The following NEK11 variants were observed in gnomAD, a reference collection of about 807,000 sequenced individuals.
NEK11 encodes the protein serine/threonine-protein kinase Nek11.
A neutral mutation model predicts 80.7 loss-of-function variants in NEK11; 72 were observed. That is an observed-to-expected ratio of 0.89 (90% CI 0.74 to 1.08). The LOEUF (loss-of-function observed/expected upper bound fraction) is 1.08. Ranked by LOEUF, NEK11 falls within the 50% of genes least tolerant of loss-of-function variation. The pLI, the probability that NEK11 is intolerant of heterozygous loss-of-function variation, is 0.00. For synonymous variants in NEK11, 251 were observed against 260.7 expected, an observed-to-expected ratio of 0.96 and a Z score of 0.36; for missense variants, 764 against 763.6, an observed-to-expected ratio of 1.00 and a Z score of -0.01.
intron 2 of NEK11, 142 bp from the exon 3 acceptor site, chr3:131,029,471 C>T: frequency 2.9e-6 from 1 of 345,116 alleles, no homozygotes; most frequent in Non-Finnish European, 5.2e-6. Flanking sequence ...GGTATCTCTA[C>T]CTTTTAACAT....
Position 131,164,458 on chromosome 3 carries a change from A to C in NEK11, c.1083-968A>C, listed in dbSNP as rs899648648. On this transcript the variant is annotated intron_variant, in intron 11 of 17. Transcript: ENST00000383366. Reference sequence around the variant, plus strand: ...GCCATTGCATCAGCTCACAGCCCCAAATCTGTTCGTAATACCTCAGAAATG... The same window carrying C: ...GCCATTGCATCAGCTCACAGCCCCACATCTGTTCGTAATACCTCAGAAATG... Among the ~76,000 whole-genome samples the C allele has an allele frequency of 2.0e-4, 30 of 152,174 alleles. 1 individual carries two copies.
At chr3:131,334,565 A>T (rs1178695890) in intron 17 of NEK11, among the ~76,000 whole-genome samples, 6 of 150,998 alleles carry the variant, frequency 4.0e-5, no homozygotes, top group African/African-American at 1.5e-4. Flanking sequence ...GAACTAGAAA[A>T]GCAAGAGCAA....
At chr3:131,245,646 G>C (rs779101960) in intron 16 of NEK11, among the ~76,000 whole-genome samples, 4 of 152,088 alleles carry the variant, frequency 2.6e-5, no homozygotes, top group Non-Finnish European at 5.9e-5. Context: ...TCTGACTGGT[G>C]TAAGATACCT....
intron 4 of NEK11, among the ~76,000 whole-genome samples, chr3:131,082,322 CTG>C (rs2149047558): frequency 6.6e-6 from 1 of 152,332 alleles, no homozygotes; most frequent in East Asian, 1.9e-4. Flanking sequence ...AGTTAATAAA[CTG>C]TGTTATTTTA....
intron 17 of NEK11, among the ~76,000 whole-genome samples, chr3:131,323,593 A>T (rs2096921149): frequency 1.3e-5 from 2 of 152,332 alleles, no homozygotes; most frequent in South Asian, 4.1e-4. Flanking sequence ...GGCATAATAA[A>T]GGCATTGTAT....
chr3:131,156,982 G>T (rs141548671), intron 10 of NEK11, among the ~76,000 whole-genome samples: 5 of 152,008 alleles, frequency 3.3e-5, no homozygotes, highest in African/African-American at 1.2e-4. Context: ...TATTCACAGG[G>T]ATCTGCTGGG....
chr3:131,341,375 TA>T (rs1243933458), intron 17 of NEK11, among the ~76,000 whole-genome samples: 4 of 152,242 alleles, frequency 2.6e-5, no homozygotes, highest in African/African-American at 9.6e-5. Context: ...CTAACAATTT[TA>T]TTGTGGTCAG....
At chr3:131,257,502 A>G (rs1397136181) in intron 16 of NEK11, among the ~76,000 whole-genome samples, 2 of 152,212 alleles carry the variant, frequency 1.3e-5, no homozygotes, top group East Asian at 3.8e-4. Context: ...TTGTAAGGAT[A>G]GAATTTTAGG....
At chr3:131,268,054 T>A (rs2096097656) in intron 16 of NEK11, among the ~76,000 whole-genome samples, 1 of 152,236 alleles carries the variant, frequency 6.6e-6, no homozygotes, top group African/African-American at 2.4e-5. Context: ...TTCCACTTGA[T>A]CAGTTCAGCT....
intron 7 of NEK11, among the ~76,000 whole-genome samples, chr3:131,143,224 T>C (rs1186190364): frequency 6.6e-6 from 1 of 152,152 alleles, no homozygotes; most frequent in Non-Finnish European, 1.5e-5. Flanking sequence ...TTGGGATTTC[T>C]TGCATTCACC....
intron 17 of NEK11, among the ~76,000 whole-genome samples, chr3:131,277,287 C>T (rs1487635622): frequency 6.6e-6 from 1 of 152,192 alleles, no homozygotes; most frequent in Non-Finnish European, 1.5e-5. Flanking sequence ...TCCTATTCAT[C>T]ATATGTTATA....
intron 14 of NEK11, among the ~76,000 whole-genome samples, chr3:131,203,765 G>A (rs866990251): frequency 2.9e-5 from 3 of 104,322 alleles, no homozygotes; most frequent in African/African-American, 1.3e-4. Context: ...GTGTGTGTGT[G>A]TGTATATATA....
chr3:131,285,588 C>G (rs1361827817), intron 17 of NEK11, among the ~76,000 whole-genome samples: 1 of 152,202 alleles, frequency 6.6e-6, no homozygotes, highest in Non-Finnish European at 1.5e-5. Flanking sequence ...GTCTTCATCC[C>G]CAGCTCCATT....
At chr3:131,086,249 G>A (rs1246107919) in intron 4 of NEK11, among the ~76,000 whole-genome samples, 1 of 151,990 alleles carries the variant, frequency 6.6e-6, no homozygotes. Flanking sequence ...ATTAATAATA[G>A]CCTGTTTCTT....
At chr3:131,263,101 G>A (rs558215138) in intron 16 of NEK11, among the ~76,000 whole-genome samples, 17 of 151,706 alleles carry the variant, frequency 1.1e-4, no homozygotes, top group African/African-American at 2.4e-4. Context: ...GGTTTGTTAC[G>A]TATGTATACA....
At chr3:131,077,826 T>C (rs1478302038) in intron 3 of NEK11, among the ~76,000 whole-genome samples, 1 of 152,254 alleles carries the variant, frequency 6.6e-6, no homozygotes, top group African/African-American at 2.4e-5. Flanking sequence ...ACTAACAGTC[T>C]GAAATGCCAC....
chr3:131,179,829 TATATA>T (rs1462900388), intron 14 of NEK11, among the ~76,000 whole-genome samples: 2 of 152,206 alleles, frequency 1.3e-5, no homozygotes, highest in African/African-American at 4.8e-5. Context: ...TTATTAATGA[TATATA>T]ATATAATGAT....
At chr3:131,310,007 A>C (rs1286726043) in intron 17 of NEK11, among the ~76,000 whole-genome samples, 4 of 147,638 alleles carry the variant, frequency 2.7e-5, no homozygotes, top group East Asian at 2.0e-4. Context: ...AAAAAAAAAA[A>C]AAAAAAAAAA....
intron 14 of NEK11, among the ~76,000 whole-genome samples, chr3:131,190,486 C>G (rs1014206402): frequency 6.6e-6 from 1 of 152,114 alleles, no homozygotes; most frequent in East Asian, 1.9e-4. Flanking sequence ...AGCTTCTTCC[C>G]CCTTCTTGTT....
Sources: gnomAD v4.1 joint callset for allele counts (sites outside exome capture counted in the v4.1 genomes callset) on GRCh38, gnomAD v4.1.1 for gene constraint, MANE v1.5 for transcripts, NCBI Gene and HGNC (gene_info 2026-07-23, HGNC 2026-07-21) for gene names.